Variants in KCNH7 observed in about 807,000 individuals in gnomAD.
KCNH7 encodes voltage-gated inwardly rectifying potassium channel KCNH7.
KCNH7 carries 49 observed loss-of-function variants against 120.8 expected under a neutral mutation model. The ratio of observed to expected loss-of-function variants is 0.41; its 90% CI spans 0.32 to 0.51. KCNH7 has a LOEUF of 0.51. Ranked by LOEUF, KCNH7 falls within the 20% of genes least tolerant of loss-of-function variation. The pLI is 0.38. For missense variants in KCNH7, 1,097 were observed against 1,446.6 expected, an observed-to-expected ratio of 0.76 and a Z score of 3.92; for synonymous variants, 547 against 516.1, an observed-to-expected ratio of 1.06 and a Z score of -0.81.
intron 2 of KCNH7, among the ~76,000 whole-genome samples, chr2:162,612,164 G>T (rs756680282): frequency 6.6e-6 from 1 of 152,108 alleles, no homozygotes; most frequent in South Asian, 2.1e-4. Context: ...AAATGATCAG[G>T]AATCAATATG....
At chr2:162,484,228 C>CAT (rs1434003750) in intron 6 of KCNH7, among the ~76,000 whole-genome samples, 1 of 150,004 alleles carries the variant, frequency 6.7e-6, no homozygotes, top group African/African-American at 2.4e-5. Flanking sequence ...TCAACACACA[C>CAT]ACACACACAC....
chr2:162,691,289 G>A (rs1000500941), intron 2 of KCNH7, among the ~76,000 whole-genome samples: 2 of 152,016 alleles, frequency 1.3e-5, no homozygotes, highest in Non-Finnish European at 2.9e-5. Flanking sequence ...TTAACTTCAT[G>A]GACTCCATTC....
chr2:162,709,598 A>G (rs978377829), intron 2 of KCNH7, among the ~76,000 whole-genome samples: 10 of 152,138 alleles, frequency 6.6e-5, no homozygotes, highest in African/African-American at 2.2e-4. Context: ...TTCAAGGTCC[A>G]CTACATTCTG....
chr2:162,432,554 G>A (rs1688105615), intron 8 of KCNH7, among the ~76,000 whole-genome samples: 1 of 151,918 alleles, frequency 6.6e-6, no homozygotes, highest in Non-Finnish European at 1.5e-5. Flanking sequence ...AACTTTCTAT[G>A]CATTCTAAGG....
At chr2:162,461,647 A>G (rs1689148691) in intron 6 of KCNH7, among the ~76,000 whole-genome samples, 1 of 152,230 alleles carries the variant, frequency 6.6e-6, no homozygotes, top group African/African-American at 2.4e-5. Flanking sequence ...GTTTGCTAGT[A>G]AGATAAAAAT....
intron 2 of KCNH7, among the ~76,000 whole-genome samples, chr2:162,802,497 G>T (rs532654452): frequency 1.3e-5 from 2 of 151,548 alleles, no homozygotes; most frequent in South Asian, 4.2e-4. Flanking sequence ...ATTCTCAGTG[G>T]GGTATTTCAA....
intron 2 of KCNH7, among the ~76,000 whole-genome samples, chr2:162,822,649 C>A (rs1457693429): frequency 6.6e-6 from 1 of 152,280 alleles, no homozygotes; most frequent in Non-Finnish European, 1.5e-5. Context: ...TCTAATGTTT[C>A]AATTCATTCA....
At chr2:162,628,580 C>G (rs1683641458) in intron 2 of KCNH7, among the ~76,000 whole-genome samples, 3 of 151,660 alleles carry the variant, frequency 2.0e-5, no homozygotes, top group Non-Finnish European at 2.9e-5. Flanking sequence ...TTTCCTGATC[C>G]TCTCCTTCAT....
At chr2:162,647,375 C>G (rs1316992974) in intron 2 of KCNH7, among the ~76,000 whole-genome samples, 2 of 152,168 alleles carry the variant, frequency 1.3e-5, no homozygotes, top group African/African-American at 2.4e-5. Context: ...GAGGCTTTCA[C>G]AGTATGTAGG....
At chr2:162,527,053 C>T (rs537848305) in intron 3 of KCNH7, among the ~76,000 whole-genome samples, 1 of 152,098 alleles carries the variant, frequency 6.6e-6, no homozygotes, top group East Asian at 2.0e-4. Context: ...CCCTGACTTC[C>T]CGCAACATTT....
intron 2 of KCNH7, among the ~76,000 whole-genome samples, chr2:162,725,483 A>G (rs1016645973): frequency 1.8e-4 from 27 of 152,170 alleles, no homozygotes; most frequent in Admixed American, 1.6e-3. Context: ...GAATATGTTC[A>G]TACAACTTTC....
intron 2 of KCNH7, among the ~76,000 whole-genome samples, chr2:162,677,572 C>T (rs923086394): frequency 6.6e-5 from 10 of 151,432 alleles, no homozygotes; most frequent in Admixed American, 1.3e-4. Flanking sequence ...ACATGTTTAT[C>T]TATTGTACTC....
Position 162,435,585 on chromosome 2 carries a change from T to C in KCNH7, c.1567A>G (p.Ile523Val). 3 of 1,590,872 alleles carry C rather than the reference T, an allele frequency of 1.9e-6. No individual in the cohort carries two copies. Among genetic ancestry groups the C allele is most frequent in the Non-Finnish European group, 2.6e-6 (3 of 1,167,314 alleles). Reference sequence around the variant, plus strand: ...AGTCGGGCAGTCTTCAAAAGACCAATTAATGTTGTTGTCTGTAGAAATAAA... The same window carrying C: ...AGTCGGGCAGTCTTCAAAAGACCAACTAATGTTGTTGTCTGTAGAAATAAA... ...GSGSDETTTLIGLLKTARLLR... is the reference protein window; with the variant it reads ...GSGSDETTTLVGLLKTARLLR... The change falls in exon 8 of 16, where the codon ATT becomes GTT. Residue 523 changes from isoleucine to valine, a missense_variant. Ile to Val is a conservative substitution (Grantham distance 29). Transcript: ENST00000332142.
intron 6 of KCNH7, among the ~76,000 whole-genome samples, chr2:162,483,751 A>C (rs1183518805): frequency 6.6e-6 from 1 of 152,060 alleles, no homozygotes; most frequent in Non-Finnish European, 1.5e-5. Context: ...AGGTAGTAAA[A>C]TTTTCATCTT....
At chr2:162,463,759 A>G (rs1237999482) in intron 6 of KCNH7, among the ~76,000 whole-genome samples, 1 of 151,602 alleles carries the variant, frequency 6.6e-6, no homozygotes, top group East Asian at 1.9e-4. Context: ...TTGATTACTA[A>G]GAATCTCTCT....
At chr2:162,833,038 C>T (rs534732213) in intron 2 of KCNH7, among the ~76,000 whole-genome samples, 4 of 151,502 alleles carry the variant, frequency 2.6e-5, no homozygotes, top group Non-Finnish European at 5.9e-5. Context: ...TGGCAAAATA[C>T]AGGAACGCTC....
intron 3 of KCNH7, among the ~76,000 whole-genome samples, chr2:162,528,513 A>G (rs1393423320): frequency 1.3e-5 from 2 of 152,018 alleles, no homozygotes; most frequent in African/African-American, 4.8e-5. Context: ...AGGGGACACC[A>G]CATGATACAA....
Position 162,621,547 on chromosome 2 carries a change from A to G in KCNH7, c.308-84467T>C, listed in dbSNP as rs1166196832. 2.0e-5 allele frequency among the ~76,000 whole-genome samples: 3 copies of G among 152,122 alleles called. No homozygotes were observed. In the South Asian group the frequency reaches 6.2e-4, roughly 31 times the overall value. ...CATCCATTTTTCTTGACAATTGATTATGTACCACTTGCTGAGTGGGTGAAT... is the reference window on the plus strand; with the variant it reads ...CATCCATTTTTCTTGACAATTGATTGTGTACCACTTGCTGAGTGGGTGAAT... On this transcript the variant is annotated intron_variant, in intron 2 of 15. Coordinates refer to ENST00000332142, the MANE Select transcript of KCNH7 (RefSeq NM_033272.4).
chr2:162,655,128 G>T (rs1056014467), intron 2 of KCNH7, among the ~76,000 whole-genome samples: 3 of 152,060 alleles, frequency 2.0e-5, no homozygotes, highest in African/African-American at 7.2e-5. Context: ...AGTAGATTTT[G>T]TGTTCTCACA....
Sources: gnomAD v4.1 joint callset for allele counts (sites outside exome capture counted in the v4.1 genomes callset) on GRCh38, gnomAD v4.1.1 for gene constraint, MANE v1.5 for transcripts, NCBI Gene and HGNC (gene_info 2026-07-23, HGNC 2026-07-21) for gene names.